Variants in RBFOX1 observed in about 807,000 individuals in gnomAD.
RBFOX1 encodes RNA binding protein fox-1 homolog 1.
A neutral mutation model predicts 57.7 loss-of-function variants in RBFOX1; 8 were observed. That is an observed-to-expected ratio of 0.14 (90% confidence interval 0.08 to 0.25). The LOEUF is 0.25. Among genes scored for constraint, RBFOX1 ranks in the 10% least tolerant of loss-of-function variants. The pLI is 1.00. For synonymous variants in RBFOX1, 326 were observed against 222.4 expected, an observed-to-expected ratio of 1.47 and a Z score of -4.15; for missense variants, 611 against 548.5, an observed-to-expected ratio of 1.11 and a Z score of -1.14.
At chr16:7,144,404 C>G (rs60193349) in intron 4 of RBFOX1, among the ~76,000 whole-genome samples, 3 of 92,746 alleles carry the variant, frequency 3.2e-5, no homozygotes, top group African/African-American at 1.3e-4. Flanking sequence ...TTTTCTCTTT[C>G]TTTTTCTTTC....
intron 4 of RBFOX1, among the ~76,000 whole-genome samples, chr16:7,420,904 T>C (rs2098535154): frequency 7.1e-6 from 1 of 140,696 alleles, no homozygotes; most frequent in Non-Finnish European, 1.5e-5. Flanking sequence ...TATACACACA[T>C]ATATATACAT....
chr16:6,683,406 G>T (rs79844608), intron 3 of RBFOX1, among the ~76,000 whole-genome samples: 4,982 of 152,142 alleles, frequency 0.033, 256 homozygotes, highest in African/African-American at 0.11. Flanking sequence ...TTTATTAGGA[G>T]ATGCATGCTA....
At chr16:6,166,284 C>T in intron 1 of RBFOX1, among the ~76,000 whole-genome samples, 1 of 152,040 alleles carries the variant, frequency 6.6e-6, no homozygotes, top group Middle Eastern at 3.2e-3. Context: ...CACATAAGGA[C>T]TCTCTGGGGT....
intron 1 of RBFOX1, among the ~76,000 whole-genome samples, chr16:5,329,403 C>G (rs973869970): frequency 6.6e-6 from 1 of 152,006 alleles, no homozygotes; most frequent in African/African-American, 2.4e-5. Flanking sequence ...TTTAAATAAC[C>G]AGATCTCACA....
At chr16:5,501,126 G>T (rs1290995963) in intron 2 of RBFOX1, among the ~76,000 whole-genome samples, 1 of 151,958 alleles carries the variant, frequency 6.6e-6, no homozygotes, top group Non-Finnish European at 1.5e-5. Flanking sequence ...GACCAGCTTG[G>T]CCAACATGGT....
chr16:6,100,457 C>T (rs1466596018), intron 1 of RBFOX1, among the ~76,000 whole-genome samples: 3 of 152,222 alleles, frequency 2.0e-5, no homozygotes, highest in East Asian at 1.9e-4. Flanking sequence ...CCACCGCGCC[C>T]GGCCGGCTTA....
chr16:6,904,036 G>A (rs1002794173), intron 3 of RBFOX1, among the ~76,000 whole-genome samples: 3 of 152,082 alleles, frequency 2.0e-5, no homozygotes, highest in African/African-American at 7.2e-5. Context: ...CCCACCTGAG[G>A]TCATACAGAG....
chr16:6,608,945 G>A (rs948915321), intron 2 of RBFOX1, among the ~76,000 whole-genome samples: 1 of 152,002 alleles, frequency 6.6e-6, no homozygotes, highest in Non-Finnish European at 1.5e-5. Context: ...TGCTCCCTTG[G>A]GTCACAGCCT....
chr16:7,355,101 C>T (rs1236792959), intron 4 of RBFOX1, among the ~76,000 whole-genome samples: 5 of 152,136 alleles, frequency 3.3e-5, no homozygotes, highest in South Asian at 4.1e-4. Context: ...AGGTAGCTAC[C>T]GCTATCACCC....
intron 4 of RBFOX1, among the ~76,000 whole-genome samples, chr16:5,870,691 A>T (rs968712243): frequency 2.7e-5 from 4 of 149,364 alleles, no homozygotes; most frequent in African/African-American, 9.9e-5. Flanking sequence ...ATTTTTTTTC[A>T]TGACAGCAGG....
chr16:6,819,621 C>A (rs1003950619), intron 3 of RBFOX1, among the ~76,000 whole-genome samples: 7 of 134,916 alleles, frequency 5.2e-5, no homozygotes, highest in Non-Finnish European at 9.2e-5. Flanking sequence ...AGGAGAATTG[C>A]TTGAACCTGG....
chr16:6,238,865 C>G (rs1293933774), intron 1 of RBFOX1, among the ~76,000 whole-genome samples: 1 of 152,032 alleles, frequency 6.6e-6, no homozygotes, highest in Non-Finnish European at 1.5e-5. Flanking sequence ...AATGTGGTCT[C>G]CATCCCCTCA....
chr16:7,605,552 T>C (rs2095251116), intron 9 of RBFOX1, among the ~76,000 whole-genome samples: 2 of 152,202 alleles, frequency 1.3e-5, no homozygotes, highest in South Asian at 4.1e-4. Context: ...TAGAAAGTTC[T>C]GGATTTCGAT....
chr16:6,640,258 A>G (rs2098476197), intron 2 of RBFOX1, among the ~76,000 whole-genome samples: 1 of 152,144 alleles, frequency 6.6e-6, no homozygotes, highest in Non-Finnish European at 1.5e-5. Context: ...ACATTTCCTC[A>G]AGAAGTTGAT....
chr16:6,064,784 T>G (rs2095738026), intron 1 of RBFOX1, among the ~76,000 whole-genome samples: 1 of 152,072 alleles, frequency 6.6e-6, no homozygotes, highest in African/African-American at 2.4e-5. Context: ...GAAGGTCTTT[T>G]GTGTGTATGC....
chr16:5,280,411 C>T (rs2063242381), intron 1 of RBFOX1, among the ~76,000 whole-genome samples: 1 of 152,048 alleles, frequency 6.6e-6, no homozygotes, highest in African/African-American at 2.4e-5. Flanking sequence ...TTTGTTGTGT[C>T]CTTGTCTTGA....
intron 2 of RBFOX1, among the ~76,000 whole-genome samples, chr16:6,523,287 G>T (rs924552154): frequency 6.6e-6 from 1 of 152,086 alleles, no homozygotes. Context: ...GGGAGGGGGG[G>T]TTAGTACTGG....
chr16:6,135,178 T>G (rs1295112215), intron 1 of RBFOX1, among the ~76,000 whole-genome samples: 1 of 152,188 alleles, frequency 6.6e-6, no homozygotes. Flanking sequence ...CAGTTCTGAC[T>G]GGCTAAGCAT....
intron 3 of RBFOX1, among the ~76,000 whole-genome samples, chr16:5,851,600 T>C (rs1253025344): frequency 6.6e-6 from 1 of 152,142 alleles, no homozygotes; most frequent in Non-Finnish European, 1.5e-5. Flanking sequence ...AAGTTTCTTC[T>C]CAATTTTGAG....
Sources: gnomAD v4.1 joint callset for allele counts (sites outside exome capture counted in the v4.1 genomes callset) on GRCh38, gnomAD v4.1.1 for gene constraint, MANE v1.5 for transcripts, NCBI Gene and HGNC (gene_info 2026-07-23, HGNC 2026-07-21) for gene names.